CMSS1: variants seen among roughly 807,000 people sequenced by gnomAD.
CMSS1 encodes the protein cms1 ribosomal small subunit homolog.
In CMSS1, 33 loss-of-function variants were observed where a neutral mutation model predicts 43.5. That is an observed-to-expected ratio of 0.76 (90% CI 0.57 to 1.01). The LOEUF is 1.01. Ranked by LOEUF, CMSS1 falls within the 50% of genes least tolerant of loss-of-function variation. The probability of loss-of-function intolerance (pLI) is 0.00; values close to 1 mark genes in which losing one functional copy is unlikely to be tolerated. For missense variants in CMSS1, 313 were observed against 326.4 expected, an observed-to-expected ratio of 0.96 and a Z score of 0.32; for synonymous variants, 115 against 117.2, an observed-to-expected ratio of 0.98 and a Z score of 0.12.
chr3:99,883,213 G>A (rs1430660025), intron 1 of CMSS1, among the ~76,000 whole-genome samples: 1 of 152,176 alleles, frequency 6.6e-6, no homozygotes, highest in Non-Finnish European at 1.5e-5. Flanking sequence ...CAGCTCCAGA[G>A]ATTTTTTACT....
At chr3:99,831,955 C>T (rs954679447) in intron 1 of CMSS1, among the ~76,000 whole-genome samples, 1 of 152,026 alleles carries the variant, frequency 6.6e-6, no homozygotes, top group East Asian at 1.9e-4. Flanking sequence ...TGTGAAAGGC[C>T]GAGACAGATT....
At chr3:99,862,032 G>A (rs574017617) in intron 1 of CMSS1, among the ~76,000 whole-genome samples, 1 of 152,066 alleles carries the variant, frequency 6.6e-6, no homozygotes, top group Non-Finnish European at 1.5e-5. Flanking sequence ...ATACATGTCC[G>A]TTCTCATTAG....
intron 1 of CMSS1, among the ~76,000 whole-genome samples, chr3:100,145,135 A>G (rs577843582): frequency 1.3e-5 from 2 of 152,240 alleles, no homozygotes; most frequent in South Asian, 2.1e-4. Context: ...TTCTCATGCT[A>G]CACACTTAAG....
At chr3:99,874,171 T>G (rs1705386786) in intron 1 of CMSS1, 1 of 152,216 alleles carries the variant, frequency 6.6e-6, no homozygotes, top group Admixed American at 6.5e-5. Context: ...AATCGATGCT[T>G]GCCTGCTTTA....
intron 1 of CMSS1, among the ~76,000 whole-genome samples, chr3:99,838,401 A>G (rs1218688749): frequency 6.6e-6 from 1 of 152,174 alleles, no homozygotes; most frequent in East Asian, 1.9e-4. Context: ...AGAGGCGAGC[A>G]TTGATACAGA....
intron 1 of CMSS1, among the ~76,000 whole-genome samples, chr3:100,133,386 G>A (rs1265974168): frequency 6.6e-6 from 1 of 151,906 alleles, no homozygotes; most frequent in Non-Finnish European, 1.5e-5. Context: ...CAGAACAAAA[G>A]TAAATACCAA....
At chr3:100,061,683 AT>A (rs923632729) in intron 1 of CMSS1, among the ~76,000 whole-genome samples, 7 of 152,218 alleles carry the variant, frequency 4.6e-5, no homozygotes, top group African/African-American at 1.7e-4. Flanking sequence ...ATATGAATTC[AT>A]TTAATTCATT....
intron 1 of CMSS1, among the ~76,000 whole-genome samples, chr3:100,110,231 G>A (rs185220532): frequency 2.0e-5 from 3 of 152,230 alleles, no homozygotes; most frequent in East Asian, 3.9e-4. Context: ...CAAATGCAAA[G>A]GTTCTTAAAA....
At chr3:99,820,487 G>A (rs924805333) in intron 1 of CMSS1, among the ~76,000 whole-genome samples, 5 of 152,252 alleles carry the variant, frequency 3.3e-5, no homozygotes, top group East Asian at 1.9e-4. Flanking sequence ...GTGAATCACC[G>A]CACCCGGCCA....
chr3:99,978,168 A>G (rs1224983467), intron 1 of CMSS1, among the ~76,000 whole-genome samples: 1 of 152,224 alleles, frequency 6.6e-6, no homozygotes, highest in Admixed American at 6.5e-5. Flanking sequence ...GTAGTATATA[A>G]AAATAAAATG....
intron 1 of CMSS1, among the ~76,000 whole-genome samples, chr3:99,968,195 G>A (rs967108320): frequency 6.6e-6 from 1 of 152,146 alleles, no homozygotes; most frequent in Non-Finnish European, 1.5e-5. Context: ...GAATTGAAAA[G>A]AACATGGGAA....
intron 1 of CMSS1, among the ~76,000 whole-genome samples, chr3:99,831,683 A>G (rs1273552955): frequency 6.6e-6 from 1 of 152,206 alleles, no homozygotes; most frequent in African/African-American, 2.4e-5. Context: ...TGGGTCTCCA[A>G]TTTAGTGTTC....
At chr3:99,868,678 A>C (rs1944638149) in intron 1 of CMSS1, among the ~76,000 whole-genome samples, 1 of 152,108 alleles carries the variant, frequency 6.6e-6, no homozygotes, top group African/African-American at 2.4e-5. Context: ...CACAAGCCTT[A>C]TTTGTCTTTT....
At chr3:100,017,557 T>C (rs1334229815) in intron 1 of CMSS1, among the ~76,000 whole-genome samples, 2 of 152,212 alleles carry the variant, frequency 1.3e-5, no homozygotes, top group African/African-American at 4.8e-5. Context: ...CTTTGTGCTG[T>C]CAGCAACATG....
chr3:100,154,835 G>A (rs1481733286), intron 2 of CMSS1, among the ~76,000 whole-genome samples: 2 of 152,046 alleles, frequency 1.3e-5, no homozygotes, highest in Non-Finnish European at 2.9e-5. Context: ...AGCTAGGCAT[G>A]GAGGCACACC....
intron 1 of CMSS1, among the ~76,000 whole-genome samples, chr3:100,097,573 C>A (rs1169448509): frequency 6.6e-6 from 1 of 152,058 alleles, no homozygotes; most frequent in Non-Finnish European, 1.5e-5. Context: ...AGTATACAAG[C>A]CTATATATAT....
At chr3:99,960,476 T>C (rs959338920) in intron 1 of CMSS1, among the ~76,000 whole-genome samples, 2 of 152,196 alleles carry the variant, frequency 1.3e-5, no homozygotes, top group Non-Finnish European at 2.9e-5. Flanking sequence ...TTTTGAACAC[T>C]AGTAGAAGCA....
At chr3:99,901,503 TC>T (rs2107627207) in intron 1 of CMSS1, among the ~76,000 whole-genome samples, 1 of 152,342 alleles carries the variant, frequency 6.6e-6, no homozygotes, top group East Asian at 1.9e-4. Flanking sequence ...ATTGAGTGTT[TC>T]AAATTATGTA....
intron 1 of CMSS1, chr3:99,930,765 T>C (rs375772279): frequency 1.7e-5 from 28 of 1,613,002 alleles, no homozygotes; most frequent in Non-Finnish European, 2.2e-5. Flanking sequence ...CCAACCCAGC[T>C]GACCTGCAGT....
Sources: allele counts gnomAD v4.1 joint callset (sites outside exome capture counted in the v4.1 genomes callset), GRCh38; gene constraint gnomAD v4.1.1; transcripts MANE v1.5; gene names NCBI Gene and HGNC (gene_info 2026-07-23, HGNC 2026-07-21).